LRRC28: variants seen among roughly 807,000 people sequenced by gnomAD.
The protein encoded by LRRC28 is leucine rich repeat containing 28, also known as leucine-rich repeat-containing protein 28.
Under a neutral mutation model 45.7 loss-of-function variants are expected in LRRC28, and 39 were observed. That is an observed-to-expected ratio of 0.85 (90% CI 0.66 to 1.12). LRRC28 has a LOEUF of 1.12. Ranked by LOEUF, LRRC28 falls within the 50% of genes most tolerant of loss-of-function variation. The pLI, the probability that LRRC28 is intolerant of heterozygous loss-of-function variation, is 0.00. For missense variants in LRRC28, 435 were observed against 438.5 expected, an observed-to-expected ratio of 0.99 and a Z score of 0.07; for synonymous variants, 206 against 178.8, an observed-to-expected ratio of 1.15 and a Z score of -1.22.
chr15:99,307,281 AG>A (rs1486157953), intron 5 of LRRC28, among the ~76,000 whole-genome samples: 3 of 151,966 alleles, frequency 2.0e-5, no homozygotes, highest in Non-Finnish European at 4.4e-5. Context: ...GCTACAGTGC[AG>A]AACAAAGTGG....
In LRRC28 at chr15:99,387,657, T is replaced by C. The variant is rs1441881527; in HGVS notation, c.*1555T>C. 1 of 152,242 alleles carries C rather than the reference T, an allele frequency of 6.6e-6. No homozygotes were observed. Among genetic ancestry groups the C allele is most frequent in the African/African-American group, 2.4e-5 (1 of 41,470 alleles). The allele number at this position is 152,242 out of a possible 1,614,324, so 9.4% of individuals were successfully genotyped here. On this transcript the variant is annotated 3_prime_UTR_variant, in exon 10 of 10. Transcript: ENST00000301981. The stretch of plus-strand genomic sequence containing the variant: ...ATTTTAATGTTGCTTTGCTGCCAGA[T>C]GTTCATCTGCTTGCTGTGAAGTGAT...
chr15:99,326,294 T>A (rs753319420), intron 5 of LRRC28, among the ~76,000 whole-genome samples: 6 of 152,194 alleles, frequency 3.9e-5, no homozygotes, highest in Non-Finnish European at 8.8e-5. Context: ...AGACCCCCAT[T>A]AGGGTCCAGA....
intron 5 of LRRC28, among the ~76,000 whole-genome samples, chr15:99,296,168 G>C (rs552798853): frequency 2.6e-5 from 4 of 152,308 alleles, no homozygotes; most frequent in African/African-American, 9.6e-5. Flanking sequence ...ATTTTTCAGA[G>C]GTGCTGATCC....
chr15:99,350,552 C>T (rs893147493), intron 6 of LRRC28, among the ~76,000 whole-genome samples: 2 of 152,298 alleles, frequency 1.3e-5, no homozygotes, highest in East Asian at 1.9e-4. Context: ...GTTTCCACAT[C>T]GGTTATGCTG....
chr15:99,282,177 G>GTTTTTTTTTTTTTTTTTTT lies in LRRC28; in HGVS notation c.210-5066_210-5065insTTTTTTTTTTTTTTTTTTT, dbSNP rs766338889. On this transcript the variant is annotated intron_variant, in intron 3 of 9. Transcript: ENST00000301981. The stretch of plus-strand genomic sequence containing the variant: ...GGATTCCTTATGCAAATTTTTGGAG[G>GTTTTTTTTTTTTTTTTTTT]TTTTTTTTTTTTTTGTAGCAGTAGC... 3.9e-3 allele frequency among the ~76,000 whole-genome samples: 381 copies of GTTTTTTTTTTTTTTTTTTT among 97,960 alleles called. 37 individuals are homozygous for GTTTTTTTTTTTTTTTTTTT. Among genetic ancestry groups the GTTTTTTTTTTTTTTTTTTT allele is most frequent in the East Asian group, 0.01 (38 of 3,632 alleles). The allele number at this position is 97,960 out of a possible 152,430, so 64.3% of individuals were successfully genotyped here.
At chr15:99,328,325 T>C (rs1439470458) in intron 5 of LRRC28, among the ~76,000 whole-genome samples, 1 of 152,230 alleles carries the variant, frequency 6.6e-6, no homozygotes, top group African/African-American at 2.4e-5. Flanking sequence ...TATAAAATTC[T>C]AAAAGTCACA....
intron 5 of LRRC28, among the ~76,000 whole-genome samples, chr15:99,294,785 G>A (rs902326141): frequency 3.3e-5 from 5 of 152,094 alleles, no homozygotes; most frequent in Admixed American, 1.3e-4. Context: ...TTAGAGGTGG[G>A]GACACAAACA....
rs1220950709 is a variant in LRRC28, at chr15:99,387,107, C to CTGGAG, written c.*1008_*1012dup. The CTGGAG allele has an allele frequency of 6.6e-6, 1 of 151,636 alleles. No homozygotes were observed. Among genetic ancestry groups the CTGGAG allele is most frequent in the African/African-American group, 2.4e-5 (1 of 41,232 alleles). The allele number at this position is 151,636 out of a possible 1,614,324, so 9.4% of individuals were successfully genotyped here. ...ACGGAGTCTCGCTCTGTCGCCCAGG[C>CTGGAG]TGGAGTGCAGTGGCGGGATCTCGGC... On this transcript the variant is annotated 3_prime_UTR_variant, in exon 10 of 10. Transcript: ENST00000301981.
At chr15:99,384,082 G>A (rs1957911656) in intron 9 of LRRC28, among the ~76,000 whole-genome samples, 2 of 152,196 alleles carry the variant, frequency 1.3e-5, no homozygotes, top group Admixed American at 6.5e-5. Flanking sequence ...CAGCGTGTAT[G>A]TGATTTCCTC....
In LRRC28 at chr15:99,361,482, T is replaced by G. The variant is rs1238805459; in HGVS notation, c.842T>G (p.Leu281Arg). 6.2e-7 allele frequency: 1 copy of G among 1,611,300 alleles called. No individual in the cohort carries two copies. ...LPLQELAMRG[L>R]YHTYHSLLKD... ...CTGCAGGAATTGGCTATGAGAGGGC[T>G]GTATCATACCTACCACAGCTTGCTG... The change falls in exon 8 of 10, where the codon CTG becomes CGG. Residue 281 changes from leucine to arginine, a missense_variant. Leu to Arg is a moderately radical substitution (Grantham distance 102). Coordinates refer to ENST00000301981, the MANE Select transcript of LRRC28 (RefSeq NM_144598.5).
intron 9 of LRRC28, chr15:99,384,733 C>T (rs967179803): frequency 6.6e-6 from 1 of 152,238 alleles, no homozygotes; most frequent in African/African-American, 2.4e-5. Flanking sequence ...ATTTGAGTAA[C>T]CATGATGCCA....
chr15:99,381,890 A>C (rs947705439), intron 9 of LRRC28, among the ~76,000 whole-genome samples: 1 of 152,212 alleles, frequency 6.6e-6, no homozygotes, highest in African/African-American at 2.4e-5. Flanking sequence ...GTTCCTCTGG[A>C]AGCTTCATCT....
intron 6 of LRRC28, among the ~76,000 whole-genome samples, chr15:99,351,653 C>A (rs1194655950): frequency 6.6e-6 from 1 of 152,156 alleles, no homozygotes; most frequent in Non-Finnish European, 1.5e-5. Context: ...GTGCCTGATC[C>A]CTAATCCTCC....
chr15:99,312,985 G>A (rs1955468300), intron 5 of LRRC28, among the ~76,000 whole-genome samples: 1 of 152,026 alleles, frequency 6.6e-6, no homozygotes, highest in South Asian at 2.1e-4. Flanking sequence ...CAATCAAAAG[G>A]AAGAGATTTT....
At chr15:99,312,125 A>G (rs894187535) in intron 5 of LRRC28, among the ~76,000 whole-genome samples, 2 of 152,244 alleles carry the variant, frequency 1.3e-5, no homozygotes, top group African/African-American at 4.8e-5. Context: ...ATGGGAATAC[A>G]TTCTAAGAAA....
chr15:99,292,386 C>A (rs1405308809), intron 5 of LRRC28, among the ~76,000 whole-genome samples: 11 of 127,068 alleles, frequency 8.7e-5, no homozygotes, highest in East Asian at 8.3e-4. Context: ...GAAACGGAGT[C>A]TCGCTCTGTC....
intron 9 of LRRC28, among the ~76,000 whole-genome samples, chr15:99,372,285 C>T (rs1396841789): frequency 6.6e-6 from 1 of 152,184 alleles, no homozygotes; most frequent in African/African-American, 2.4e-5. Flanking sequence ...TAAAACCAAG[C>T]TGAAATGCTC....
chr15:99,258,816 A>G (rs2081105083), intron 2 of LRRC28: 4 of 697,562 alleles, frequency 5.7e-6, no homozygotes, highest in East Asian at 5.6e-5. Flanking sequence ...TTTGATGAAT[A>G]TGGATCTAAA....
At position 99,387,120 on chromosome 15, in the gene LRRC28, G is replaced by T. The variant is rs936338768; in HGVS notation, c.*1018G>T. The stretch of plus-strand genomic sequence containing the variant: ...CTGTCGCCCAGGCTGGAGTGCAGTG[G>T]CGGGATCTCGGCTCACTGCAAGCTC... On this transcript the variant is annotated 3_prime_UTR_variant, in exon 10 of 10. Coordinates refer to ENST00000301981, the MANE Select transcript of LRRC28 (RefSeq NM_144598.5). 2 of 151,270 alleles carry T rather than the reference G, an allele frequency of 1.3e-5. No individual in the cohort carries two copies. Among genetic ancestry groups the T allele is most frequent in the South Asian group, 4.2e-4 (2 of 4,730 alleles). 9.4% of individuals were successfully genotyped at this position (151,270 alleles called of 1,614,324 possible). A position where few individuals can be genotyped will look rare whatever the true frequency, so the allele number is the denominator to read the frequency against.
Sources: allele counts gnomAD v4.1 joint callset (sites outside exome capture counted in the v4.1 genomes callset), GRCh38; gene constraint gnomAD v4.1.1; transcripts MANE v1.5; gene names NCBI Gene and HGNC (gene_info 2026-07-23, HGNC 2026-07-21).